The following ZNF658 variants were observed in gnomAD, a reference collection of about 807,000 sequenced individuals.
The protein encoded by ZNF658 is zinc finger protein 658.
Under a neutral mutation model 78.0 loss-of-function variants are expected in ZNF658, and 46 were observed. The ratio of observed to expected loss-of-function variants is 0.59; its 90% CI spans 0.47 to 0.75. The LOEUF (loss-of-function observed/expected upper bound fraction) is 0.75, where lower values mean the gene tolerates loss of function less well. ZNF658 is among the 30% of genes least tolerant of loss of function. The pLI is 0.00. For missense variants in ZNF658, 785 were observed against 1,189.3 expected (o/e 0.66, Z 5.00); for synonymous variants, 279 against 408.4 (o/e 0.68, Z 3.82).
At chr9:66,929,586 A>G (rs934140350) in intron 6 of ZNF658, among the ~76,000 whole-genome samples, 37 of 151,900 alleles carry the variant, frequency 2.4e-4, no homozygotes, top group Admixed American at 2.4e-3. Context: ...AAGATAGTTT[A>G]GATTTGAGTC....
chr9:66,912,701 G>T (rs1822241766), intron 4 of ZNF658, among the ~76,000 whole-genome samples: 2 of 151,914 alleles, frequency 1.3e-5, no homozygotes, highest in African/African-American at 4.8e-5. Context: ...TGGAAAAATG[G>T]CACCAACAGA....
chr9:66,907,480 G>T (rs1259497084), intron 2 of ZNF658, among the ~76,000 whole-genome samples: 1 of 151,916 alleles, frequency 6.6e-6, no homozygotes, highest in Non-Finnish European at 1.5e-5. Context: ...GAAACTCTGT[G>T]CCCTTGGACC....
intron 6 of ZNF658, among the ~76,000 whole-genome samples, chr9:66,927,113 C>G (rs1279483703): frequency 2.0e-5 from 3 of 152,106 alleles, no homozygotes; most frequent in Non-Finnish European, 2.9e-5. Flanking sequence ...TAAGAAAACA[C>G]TGGGAAAAAG....
intron 2 of ZNF658, among the ~76,000 whole-genome samples, chr9:66,905,122 C>CTGGA (rs2117953056): frequency 7.7e-6 from 1 of 130,100 alleles, no homozygotes; most frequent in Admixed American, 8.8e-5. Context: ...GTCACCCAGG[C>CTGGA]TGGAGTGCAG....
chr9:66,927,350 G>C (rs961907405), intron 6 of ZNF658, among the ~76,000 whole-genome samples: 1 of 151,664 alleles, frequency 6.6e-6, no homozygotes, highest in East Asian at 1.9e-4. Flanking sequence ...TTAAAAAAAA[G>C]ACAAGTGTTG....
intron 4 of ZNF658, among the ~76,000 whole-genome samples, chr9:66,915,400 A>T (rs1822312370): frequency 6.7e-6 from 1 of 148,446 alleles, no homozygotes; most frequent in African/African-American, 2.5e-5. Flanking sequence ...TTATAGTTAA[A>T]AAAAAAAAAA....
chr9:66,929,566 T>C lies in ZNF658; in HGVS notation c.*55-2459T>C, dbSNP rs368356078. ...TTCCAGGATGCAGGTTCTTTAATGCTCCTAATCTAAAGATAGTTTAGATTT... is the reference window on the plus strand; with the variant it reads ...TTCCAGGATGCAGGTTCTTTAATGCCCCTAATCTAAAGATAGTTTAGATTT... On this transcript the variant is annotated intron_variant and NMD_transcript_variant, in intron 6 of 6. Coordinates refer to the ZNF658 transcript ENST00000622180. Among the ~76,000 whole-genome samples the C allele has an allele frequency of 1.5e-4, 23 of 152,122 alleles. No homozygotes were observed. The East Asian group carries it at 3.9e-3, about 26-fold the overall frequency.
chr9:66,926,364 A>T (rs1587372892), downstream of ZNF658, among the ~76,000 whole-genome samples: 1 of 151,664 alleles, frequency 6.6e-6, no homozygotes, highest in East Asian at 1.9e-4. Context: ...TAGAATTAAT[A>T]AGTCAATTCA....
chr9:66,914,206 A>C (rs1258680844), intron 4 of ZNF658, among the ~76,000 whole-genome samples: 1 of 150,638 alleles, frequency 6.6e-6, no homozygotes, highest in East Asian at 1.9e-4. Flanking sequence ...TTCTTTCATC[A>C]ATGTCTTTTA....
In ZNF658 at chr9:66,918,125, A is replaced by G; in HGVS notation, c.559A>G (p.Lys187Glu). Residue 187 changes from lysine (K) to glutamate (E), a missense_variant, in exon 5 of 5, where the codon AAA becomes GAA. Physicochemically the swap from Lys to Glu is moderately conservative, Grantham distance 56 (BLOSUM62 1). Around this residue, in one of 12 missense-constraint regions of ZNF658, gnomAD observed 393 missense variants for 400.2 expected, o/e 0.98. Transcript: ENST00000621410. The part of the protein sequence containing the change: ...IKHEKAHAEE[K>E]SYEHGENAKA... ...GCATGAGAAAGCTCATGCTGAAGAG[A>G]AATCTTATGAACATGGTGAAAATGC... The G allele has an allele frequency of 6.3e-7, 1 of 1,593,106 alleles. No homozygotes were observed. The highest frequency in any genetic ancestry group is 8.5e-7 in the Non-Finnish European group (1 of 1,173,986).
downstream of ZNF658, among the ~76,000 whole-genome samples, chr9:66,922,252 G>T (rs1234269157): frequency 6.6e-6 from 1 of 150,744 alleles, no homozygotes; most frequent in Non-Finnish European, 1.5e-5. Flanking sequence ...TGTCTGTCAG[G>T]GCTACCCTTG....
chr9:66,903,240 A>G (rs1238126823), intron 1 of ZNF658: 11 of 357,660 alleles, frequency 3.1e-5, no homozygotes, highest in Admixed American at 8.4e-5. Flanking sequence ...CGTATCAGAG[A>G]TGCACATATT....
chr9:66,908,500 C>G, intron 3 of ZNF658, 136 bp downstream of exon 3: 7 of 1,474,342 alleles, frequency 4.7e-6, no homozygotes, highest in Non-Finnish European at 5.4e-6. Flanking sequence ...TTTACAGAAA[C>G]AAAAGCAACA....
rs1431777101 is a variant in ZNF658, at chr9:66,903,224, C to T, written c.-44-294C>T. 1.3e-5 allele frequency: 4 copies of T among 305,566 alleles called. No homozygotes were observed. In the Admixed American group the frequency reaches 1.8e-4, roughly 14 times the overall value. 18.9% of individuals were successfully genotyped at this position (305,566 alleles called of 1,614,324 possible). A position where few individuals can be genotyped will look rare whatever the true frequency, so the allele number is the denominator to read the frequency against. On this transcript the variant is annotated intron_variant, in intron 1 of 4. Coordinates refer to ENST00000621410, the MANE Select transcript of ZNF658 (RefSeq NM_033160.7). ...CAGTGAAAATGTAAGTTTAAGCGCACATAATCGTATCAGAGATGCACATAT... is the reference window on the plus strand; with the variant it reads ...CAGTGAAAATGTAAGTTTAAGCGCATATAATCGTATCAGAGATGCACATAT...
chr9:66,919,992 A>G lies in ZNF658; in HGVS notation c.2426A>G (p.Tyr809Cys), dbSNP rs772322768. Residue 809 changes from tyrosine to cysteine, a missense_variant, in exon 5 of 5, where the codon TAT becomes TGT. Coordinates refer to ENST00000621410, the MANE Select transcript of ZNF658 (RefSeq NM_033160.7). ...ECNVCGKTFV[Y>C]KAALIVHQRI... ...AACGTATGTGGGAAAACTTTTGTCT[A>G]TAAGGCAGCCCTCATAGTGCATCAA... 6 of 1,611,266 alleles carry G rather than the reference A, an allele frequency of 3.7e-6. No individual in the cohort carries two copies. Among genetic ancestry groups the G allele is most frequent in the Non-Finnish European group, 5.1e-6 (6 of 1,179,556 alleles).
chr9:66,913,191 G>A (rs1251036042), intron 4 of ZNF658, among the ~76,000 whole-genome samples: 1 of 150,960 alleles, frequency 6.6e-6, no homozygotes. Context: ...TTGGGAGGCC[G>A]AGGCGGGTGG....
chr9:66,913,982 CTTA>C (rs1367877164), intron 4 of ZNF658, among the ~76,000 whole-genome samples: 10 of 109,432 alleles, frequency 9.1e-5, no homozygotes, highest in African/African-American at 3.9e-4. Flanking sequence ...ATTACTCTAG[CTTA>C]TTAAGTTTTG....
At chr9:66,903,770 A>T (rs534202496) in intron 2 of ZNF658, among the ~76,000 whole-genome samples, 194 bp downstream of exon 2, 40 of 152,286 alleles carry the variant, frequency 2.6e-4, no homozygotes, top group Admixed American at 2.1e-3. Context: ...AAATTTACCA[A>T]ATTAAGCTTC....
Position 66,918,891 on chromosome 9 carries a change from G to C in ZNF658, c.1325G>C (p.Cys442Ser). The C allele has an allele frequency of 6.3e-7, 1 of 1,581,240 alleles. No homozygotes were observed. Among genetic ancestry groups the C allele is most frequent in the Non-Finnish European group, 8.6e-7 (1 of 1,159,616 alleles). The part of the protein sequence containing the change: ...GTYVGFKLYE[C>S]NECGKAFCQN... Reference sequence around the variant, plus strand: ...TATGTGGGATTCAAACTTTATGAATGTAATGAATGTGGGAAAGCTTTCTGT... The same window carrying C: ...TATGTGGGATTCAAACTTTATGAATCTAATGAATGTGGGAAAGCTTTCTGT... Residue 442 changes from cysteine (C) to serine (S), a missense_variant, in exon 5 of 5, where the codon TGT (cysteine) becomes TCT (serine). Cys to Ser is a moderately radical substitution (Grantham distance 112). This residue lies in a region of ZNF658 where 393 missense variants were observed against 400.2 expected (regional missense o/e 0.98). Coordinates refer to ENST00000621410, the MANE Select transcript of ZNF658 (RefSeq NM_033160.7).
Sources: allele counts gnomAD v4.1 joint callset (sites outside exome capture counted in the v4.1 genomes callset), GRCh38; gene constraint gnomAD v4.1.1; regional missense constraint gnomAD v4.1.1; transcripts MANE v1.5; gene names NCBI Gene and HGNC (gene_info 2026-07-23, HGNC 2026-07-21).